LHX4: variants seen among roughly 807,000 people sequenced by gnomAD.
The protein encoded by LHX4 is LIM homeobox 4, also known as LIM/homeobox protein Lhx4.
A neutral mutation model predicts 39.2 loss-of-function variants in LHX4; 16 were observed. The ratio of observed to expected loss-of-function variants is 0.41; its 90% CI spans 0.28 to 0.62. The LOEUF is 0.62. Among genes scored for constraint, LHX4 ranks in the 20% least tolerant of loss-of-function variants. The probability of loss-of-function intolerance (pLI) is 0.33; values close to 1 mark genes in which losing one functional copy is unlikely to be tolerated. For synonymous variants in LHX4, 206 were observed against 198.1 expected (o/e 1.04, Z -0.33); for missense variants, 439 against 511.9 (o/e 0.86, Z 1.37).
At chr1:180,262,775 C>G (rs749151027) in intron 2 of LHX4, among the ~76,000 whole-genome samples, 1 of 151,894 alleles carries the variant, frequency 6.6e-6, no homozygotes, top group Non-Finnish European at 1.5e-5. Flanking sequence ...GCAGTTCGTT[C>G]GTTCACTCAT....
At chr1:180,270,868 G>A (rs1314698839) in intron 3 of LHX4, 1 of 218,178 alleles carries the variant, frequency 4.6e-6, no homozygotes, top group South Asian at 7.1e-5. Context: ...ACACTGTTGG[G>A]TGTGCAAGCT....
rs1330581984 is a variant in LHX4 at position 180,248,292 on chromosome 1, C to G, written c.84C>G (p.Pro28=). The part of the protein sequence containing the change: ...EMLGVPMQQI[P]QCAGCNQHIL... ...CTCTCCTCTTCCTCACAGAGATTCC[C>G]CAGTGCGCTGGCTGCAACCAGCACA... The change falls in exon 2 of 6, where the codon CCC becomes CCG. Residue 28 remains proline, a synonymous_variant. Transcript: ENST00000263726. 1 of 1,614,070 alleles carries G rather than the reference C, an allele frequency of 6.2e-7. No homozygotes were observed. Among genetic ancestry groups the G allele is most frequent in the Non-Finnish European group, 8.5e-7 (1 of 1,180,000 alleles).
intron 2 of LHX4, among the ~76,000 whole-genome samples, chr1:180,259,051 G>A (rs1162766376): frequency 1.3e-5 from 2 of 152,086 alleles, no homozygotes; most frequent in African/African-American, 2.4e-5. Flanking sequence ...TGGAGCCCCA[G>A]TCTGGAGCCC....
At position 180,235,450 on chromosome 1, in the gene LHX4, A is replaced by G. The variant is rs1664293114; in HGVS notation, c.76+4845A>G. ...TCCTCTCCAGACCCATTTCGTTCCA[A>G]GCATTTGGAATGACAAAATTAAACC... On this transcript the variant is annotated intron_variant, in intron 1 of 5. Coordinates refer to ENST00000263726, the MANE Select transcript of LHX4 (RefSeq NM_033343.4). Among the ~76,000 whole-genome samples the G allele has an allele frequency of 2.0e-5, 3 of 152,346 alleles. No individual in the cohort carries two copies. In the South Asian group the frequency reaches 6.2e-4, roughly 32 times the overall value.
upstream of LHX4, among the ~76,000 whole-genome samples, chr1:180,230,027 C>T (rs1174507228): frequency 1.3e-5 from 2 of 150,960 alleles, no homozygotes; most frequent in Non-Finnish European, 3.0e-5. The surrounding 1 kb of genome is among the most constrained non-coding windows in gnomAD (Gnocchi z 5.8). Flanking sequence ...CCCCCTCCGC[C>T]CCGCCGGCCT....
chr1:180,231,628 G>GC (rs1358790456), intron 1 of LHX4, among the ~76,000 whole-genome samples: 4 of 148,190 alleles, frequency 2.7e-5, no homozygotes, highest in Non-Finnish European at 6.0e-5. Flanking sequence ...TCAGCAGGGC[G>GC]CCCCGGGCAC....
intron 1 of LHX4, among the ~76,000 whole-genome samples, chr1:180,242,317 A>C (rs1418946989): frequency 6.6e-6 from 1 of 152,064 alleles, no homozygotes; most frequent in Non-Finnish European, 1.5e-5. Context: ...GTGAATATGC[A>C]TGTACATTTG....
intron 2 of LHX4, among the ~76,000 whole-genome samples, chr1:180,258,462 G>GC: frequency 6.6e-6 from 1 of 152,358 alleles, no homozygotes; most frequent in East Asian, 1.9e-4. Flanking sequence ...GCCACTGGAA[G>GC]GTTTCAGCAG....
chr1:180,260,240 T>C, intron 2 of LHX4, among the ~76,000 whole-genome samples: 1 of 151,724 alleles, frequency 6.6e-6, no homozygotes, highest in East Asian at 1.9e-4. Context: ...GGCAGCTGCC[T>C]TTATTACCAG....
chr1:180,237,238 T>G (rs1571257140), intron 1 of LHX4, among the ~76,000 whole-genome samples: 1 of 151,450 alleles, frequency 6.6e-6, no homozygotes, highest in African/African-American at 2.4e-5. Context: ...AGGAGGGCGG[T>G]CGTGTGTCCA....
intron 2 of LHX4, among the ~76,000 whole-genome samples, chr1:180,251,989 C>G (rs1054249922): frequency 6.6e-6 from 1 of 152,186 alleles, no homozygotes; most frequent in Admixed American, 6.5e-5. Flanking sequence ...TAGCCCTCAC[C>G]AAGCTCTTGG....
At chr1:180,262,692 AAAAAG>A (rs1283757543) in intron 2 of LHX4, among the ~76,000 whole-genome samples, 75 of 152,070 alleles carry the variant, frequency 4.9e-4, no homozygotes, top group South Asian at 3.5e-3. Context: ...AAAAAAAAAA[AAAAAG>A]AAAAGAAAAG....
chr1:180,248,485 C>G, intron 2 of LHX4, 29 bp downstream of exon 2: 1 of 1,612,580 alleles, frequency 6.2e-7, no homozygotes, highest in African/African-American at 1.3e-5. Context: ...TCTCGTGGCC[C>G]TGGCCTGTCT....
In LHX4 at chr1:180,266,273, G is replaced by C; in HGVS notation, c.249-119G>C. The C allele has an allele frequency of 2.2e-6, 2 of 923,682 alleles. No homozygotes were observed. The highest frequency in any genetic ancestry group is 3.5e-6 in the Non-Finnish European group (2 of 569,180). The allele number at this position is 923,682 out of a possible 1,614,324, so 57.2% of individuals were successfully genotyped here. On this transcript the variant is annotated intron_variant, in intron 2 of 5. Transcript: ENST00000263726. This position sits in a 1 kb window ranked among gnomAD's most constrained non-coding sequence, Gnocchi z 5.7. ...CAGACGGTAAGCTCTGGGTGACTGG[G>C]GGGTGAGGCTCATGGAGTCCCGGAG...
chr1:180,234,936 G>A lies in LHX4; in HGVS notation c.76+4331G>A, dbSNP rs1440591179. ...CAGATGCCGGCCTGGGTGGCCCGGG[G>A]AACAGACGATGAATTCTTTAAATGA... On this transcript the variant is annotated intron_variant, in intron 1 of 5. Transcript: ENST00000263726. The surrounding 1 kb of genome is among the most constrained non-coding windows in gnomAD (Gnocchi z 4.8). 6.6e-6 allele frequency among the ~76,000 whole-genome samples: 1 copy of A among 152,228 alleles called. No individual in the cohort carries two copies.
chr1:180,259,661 T>C (rs1400601149), intron 2 of LHX4, among the ~76,000 whole-genome samples: 2 of 151,522 alleles, frequency 1.3e-5, no homozygotes, highest in Non-Finnish European at 2.9e-5. Context: ...GGGGCTGCTT[T>C]CCTGGCTCTG....
chr1:180,272,091 C>CTTTTTTTTTTTTTTT, intron 5 of LHX4, 85 bp downstream of exon 5: 1 of 1,289,456 alleles, frequency 7.8e-7, no homozygotes, highest in South Asian at 1.5e-5. Context: ...AGGGATCTTT[C>CTTTTTTTTTTTTTTT]TTGAGGCCTT....
At position 180,230,505 on chromosome 1, in the gene LHX4, G is replaced by T; in HGVS notation, c.-25G>T. On this transcript the variant is annotated 5_prime_UTR_variant, in exon 1 of 6. Coordinates refer to ENST00000263726, the MANE Select transcript of LHX4 (RefSeq NM_033343.4). This position sits in a 1 kb window ranked among gnomAD's most constrained non-coding sequence, Gnocchi z 5.8. ...AGAGAGCGAGAGATCTCCGTAGACT[G>T]CGACTCGCTGGCTTTCGCTCCGAGA... is the stretch of plus-strand genomic sequence containing the variant. 6.2e-7 allele frequency: 1 copy of T among 1,601,854 alleles called. No homozygotes were observed. Among genetic ancestry groups the T allele is most frequent in the Non-Finnish European group, 8.6e-7 (1 of 1,169,538 alleles).
At chr1:180,264,365 TACACACACACATA>T (rs998318392) in intron 2 of LHX4, among the ~76,000 whole-genome samples, 3 of 109,620 alleles carry the variant, frequency 2.7e-5, no homozygotes, top group African/African-American at 1.1e-4. Flanking sequence ...TTCTCTGTTA[TACACACACACATA>T]ACACACACAC....
Sources: allele counts gnomAD v4.1 joint callset (sites outside exome capture counted in the v4.1 genomes callset), GRCh38; gene constraint gnomAD v4.1.1; non-coding constraint Gnocchi (gnomAD v3.1); transcripts MANE v1.5; gene names NCBI Gene and HGNC (gene_info 2026-07-23, HGNC 2026-07-21).